TRIP11: variants seen among roughly 807,000 people sequenced by gnomAD.
The protein encoded by TRIP11 is thyroid receptor-interacting protein 11.
TRIP11 carries 148 observed loss-of-function variants against 223.1 expected under a neutral mutation model. The observed-to-expected ratio is 0.66, with a 90% confidence interval of 0.58 to 0.76. The LOEUF is 0.76. Ranked by LOEUF, TRIP11 falls within the 30% of genes least tolerant of loss-of-function variation. TRIP11 has a pLI of 0.00. For missense variants in TRIP11, 2,043 were observed against 2,222.0 expected (o/e 0.92, Z 1.62); for synonymous variants, 762 against 772.6 (o/e 0.99, Z 0.23).
intron 15 of TRIP11, among the ~76,000 whole-genome samples, chr14:91,990,262 T>C (rs2056655518): frequency 6.6e-6 from 1 of 152,178 alleles, no homozygotes; most frequent in South Asian, 2.1e-4. Context: ...ATGTAAACTT[T>C]CAAATGATTT....
chr14:91,980,872 A>C (rs943996125), intron 16 of TRIP11, among the ~76,000 whole-genome samples: 2 of 151,406 alleles, frequency 1.3e-5, no homozygotes, highest in Non-Finnish European at 2.9e-5. Flanking sequence ...CTAATAAGGA[A>C]ATTTAACCTC....
intron 15 of TRIP11, 81 bp from the exon 16 acceptor site, chr14:91,988,464 A>G (rs1279417345): frequency 2.4e-6 from 3 of 1,228,150 alleles, no homozygotes; most frequent in Non-Finnish European, 2.4e-6. Flanking sequence ...CTTAGAGTCA[A>G]CCTCTACATT....
rs2056703093 is a variant in TRIP11, at chr14:91,993,288, C to T, written c.5160+521G>A. 1.3e-5 allele frequency among the ~76,000 whole-genome samples: 2 copies of T among 151,636 alleles called. 1 individual carries two copies. The highest frequency in any genetic ancestry group is 3.9e-4 in the East Asian group (2 of 5,162). ...GGTCAGGAGTTCGAGACCAGCCTGACCAACATGGTGAAACCCCATCTCTAT... is the reference window on the plus strand; with the variant it reads ...GGTCAGGAGTTCGAGACCAGCCTGATCAACATGGTGAAACCCCATCTCTAT... On this transcript the variant is annotated intron_variant, in intron 15 of 20. Transcript: ENST00000267622.
chr14:92,011,020 A>G lies in TRIP11; in HGVS notation c.1280T>C (p.Leu427Ser), dbSNP rs34761938. ...ACTCAGTAATGACTTCTCTTTTTCT[A>G]AAACTTCGATACGCATTTTAAGTTT... ...NLKLKMRIEV[L>S]EKEKSLLSQE... The change falls in exon 9 of 21, where the codon TTA becomes TCA. Residue 427 changes from leucine (L) to serine (S), a missense_variant. Physicochemically the swap from Leu to Ser is moderately radical, Grantham distance 145. Transcript: ENST00000267622. The G allele has an allele frequency of 1.7e-3, 2,730 of 1,613,952 alleles. 4 individuals carry two copies. The highest frequency in any genetic ancestry group is 2.1e-3 in the Non-Finnish European group (2,483 of 1,179,958).
At chr14:92,026,792 G>A (rs2057193750) in intron 2 of TRIP11, 8 of 1,262,646 alleles carry the variant, frequency 6.3e-6, no homozygotes, top group Non-Finnish European at 8.0e-6. Flanking sequence ...AGATGAAGAT[G>A]AGGAAGCTGA....
chr14:91,980,018 T>G (rs769541539), intron 16 of TRIP11, among the ~76,000 whole-genome samples: 1 of 151,706 alleles, frequency 6.6e-6, no homozygotes, highest in Non-Finnish European at 1.5e-5. Flanking sequence ...CTTTAAAAGT[T>G]CAGCAATAAA....
chr14:92,039,569 C>A lies in TRIP11; in HGVS notation c.117G>T (p.Met39Ile). 6.2e-7 allele frequency: 1 copy of A among 1,613,998 alleles called. No individual in the cohort carries two copies. Among genetic ancestry groups the A allele is most frequent in the Non-Finnish European group, 8.5e-7 (1 of 1,179,956 alleles). The change falls in exon 1 of 21, where the codon ATG (methionine) becomes ATT (isoleucine). Residue 39 changes from methionine (M) to isoleucine (I), a missense_variant. Coordinates refer to ENST00000267622, the MANE Select transcript of TRIP11 (RefSeq NM_004239.4). ...QISNFTKDMLMEGTEEVEAEL... is the reference protein window; with the variant it reads ...QISNFTKDMLIEGTEEVEAEL... ...TACCTTCCACTTCCTCCGTGCCCTCCATCAGCATATCCTTTGTAAAGTTTG... is the reference window on the plus strand; with the variant it reads ...TACCTTCCACTTCCTCCGTGCCCTCAATCAGCATATCCTTTGTAAAGTTTG...
intron 15 of TRIP11, among the ~76,000 whole-genome samples, chr14:91,988,841 G>T (rs1321974425): frequency 2.0e-5 from 3 of 152,062 alleles, no homozygotes. Context: ...GGGCAAGCTG[G>T]ATCTGTCCTT....
At chr14:91,977,126 C>T (rs981707291) in intron 16 of TRIP11, 24 of 403,384 alleles carry the variant, frequency 5.9e-5, no homozygotes, top group South Asian at 1.7e-4. Context: ...TGCCACAAAC[C>T]TTTTCCTTTG....
intron 15 of TRIP11, among the ~76,000 whole-genome samples, 189 bp downstream of exon 15, chr14:91,993,620 T>G (rs2056709579): frequency 6.6e-6 from 1 of 152,020 alleles, no homozygotes; most frequent in African/African-American, 2.4e-5. Flanking sequence ...TTGCCGTGTC[T>G]ACTCTAAACT....
intron 4 of TRIP11, among the ~76,000 whole-genome samples, chr14:92,018,801 C>G (rs1474265200): frequency 6.8e-6 from 1 of 146,734 alleles, no homozygotes; most frequent in Non-Finnish European, 1.5e-5. Context: ...ATTAAAAATA[C>G]AAAAAAAAAA....
At chr14:91,995,001 ATGTGCG>A (rs1332779525) in intron 14 of TRIP11, among the ~76,000 whole-genome samples, 5 of 152,148 alleles carry the variant, frequency 3.3e-5, no homozygotes, top group Non-Finnish European at 7.3e-5. Context: ...TATTCTTTGT[ATGTGCG>A]TATCTCTCTT....
intron 13 of TRIP11, among the ~76,000 whole-genome samples, chr14:91,998,565 T>C (rs1454812670): frequency 2.0e-5 from 3 of 151,920 alleles, no homozygotes; most frequent in Admixed American, 6.6e-5. Context: ...TTAAAAAGGG[T>C]ATATAATGTA....
At chr14:92,034,279 C>T (rs373604927) in intron 1 of TRIP11, among the ~76,000 whole-genome samples, 11 of 152,116 alleles carry the variant, frequency 7.2e-5, no homozygotes, top group Admixed American at 5.2e-4. Context: ...AAAAATTAGC[C>T]GGGTGTGGTG....
intron 3 of TRIP11, 107 bp from the exon 4 acceptor site, chr14:92,021,938 T>C (rs951406093): frequency 1.6e-6 from 2 of 1,241,070 alleles, no homozygotes; most frequent in Non-Finnish European, 2.3e-6. Flanking sequence ...TCTAAGATTA[T>C]CCAATGATGG....
intron 4 of TRIP11, 85 bp from the exon 5 acceptor site, chr14:92,017,835 A>C (rs1474161410): frequency 5.8e-6 from 7 of 1,216,808 alleles, no homozygotes; most frequent in Non-Finnish European, 7.1e-6. Flanking sequence ...TTACAAGAAT[A>C]CTTTTGTAAA....
chr14:92,037,024 G>C lies in TRIP11; in HGVS notation c.139+2523C>G, dbSNP rs914192433. ...AGATTACAGGTATGAACCACACCTGGCCAGACCCCTATTTTTAAAAATTTA... is the reference window on the plus strand; with the variant it reads ...AGATTACAGGTATGAACCACACCTGCCCAGACCCCTATTTTTAAAAATTTA... On this transcript the variant is annotated intron_variant, in intron 1 of 20. Transcript: ENST00000267622. The surrounding 1 kb of genome is among the most constrained non-coding windows in gnomAD (Gnocchi z 4.2). Among the ~76,000 whole-genome samples the C allele has an allele frequency of 2.6e-5, 4 of 152,122 alleles. No individual in the cohort carries two copies. Among genetic ancestry groups the C allele is most frequent in the African/African-American group, 9.7e-5 (4 of 41,406 alleles).
intron 13 of TRIP11, among the ~76,000 whole-genome samples, chr14:91,995,995 T>C (rs545296974): frequency 6.6e-6 from 1 of 152,348 alleles, no homozygotes; most frequent in East Asian, 1.9e-4. Context: ...TTTTTTATTA[T>C]GGTAAAATAT....
chr14:91,984,811 C>G (rs771876651), intron 16 of TRIP11, among the ~76,000 whole-genome samples: 3 of 152,052 alleles, frequency 2.0e-5, no homozygotes, highest in Non-Finnish European at 4.4e-5. Flanking sequence ...TAATGAAAAC[C>G]ACTGTCATAT....
Sources: allele counts gnomAD v4.1 joint callset (sites outside exome capture counted in the v4.1 genomes callset), GRCh38; gene constraint gnomAD v4.1.1; non-coding constraint Gnocchi (gnomAD v3.1); transcripts MANE v1.5; gene names NCBI Gene and HGNC (gene_info 2026-07-23, HGNC 2026-07-21).